ATP8A2: variants seen among roughly 807,000 people sequenced by gnomAD.
The protein encoded by ATP8A2 is phospholipid-transporting ATPase IB.
In ATP8A2, 100 loss-of-function variants were observed where a neutral mutation model predicts 165.6. The observed-to-expected ratio is 0.60, with a 90% CI of 0.51 to 0.71. The LOEUF (loss-of-function observed/expected upper bound fraction) is 0.71, where lower values mean the gene tolerates loss of function less well. ATP8A2 is among the 30% of genes least tolerant of loss of function. The pLI, the probability that ATP8A2 is intolerant of heterozygous loss-of-function variation, is 0.00. For synonymous variants in ATP8A2, 543 were observed against 548.8 expected, an observed-to-expected ratio of 0.99 and a Z score of 0.15; for missense variants, 1,227 against 1,479.5, an observed-to-expected ratio of 0.83 and a Z score of 2.80.
intron 25 of ATP8A2, among the ~76,000 whole-genome samples, chr13:25,724,130 T>G (rs929177832): frequency 6.6e-5 from 10 of 152,206 alleles, no homozygotes; most frequent in Non-Finnish European, 1.0e-4. Context: ...GAACACAGCC[T>G]GGCTGATACC....
At chr13:25,730,839 G>A (rs2043605433) in intron 25 of ATP8A2, among the ~76,000 whole-genome samples, 1 of 151,980 alleles carries the variant, frequency 6.6e-6, no homozygotes, top group African/African-American at 2.4e-5. Context: ...ACTTTGGGAG[G>A]CCAAGACAGG....
intron 24 of ATP8A2, among the ~76,000 whole-genome samples, chr13:25,667,890 C>T (rs547087395): frequency 6.6e-6 from 1 of 151,986 alleles, no homozygotes; most frequent in African/African-American, 2.4e-5. Context: ...AAGTTTATAG[C>T]ATTCTAGTTT....
chr13:25,375,385 A>T (rs1018299444), intron 1 of ATP8A2, among the ~76,000 whole-genome samples: 1 of 152,088 alleles, frequency 6.6e-6, no homozygotes, highest in African/African-American at 2.4e-5. Flanking sequence ...AAGGGTGTAC[A>T]TGTGAATATG....
chr13:25,535,451 G>A (rs1050595118), intron 6 of ATP8A2, among the ~76,000 whole-genome samples: 1 of 152,156 alleles, frequency 6.6e-6, no homozygotes, highest in Non-Finnish European at 1.5e-5. Flanking sequence ...GGATCTGGAA[G>A]GTTTCTGTTC....
intron 2 of ATP8A2, among the ~76,000 whole-genome samples, chr13:25,499,374 A>G (rs758562717): frequency 1.3e-5 from 2 of 152,346 alleles, no homozygotes; most frequent in South Asian, 2.1e-4. Flanking sequence ...GTTTCAGAAC[A>G]TGAGATTTGG....
At chr13:25,884,775 G>A (rs1382906399) in intron 33 of ATP8A2, among the ~76,000 whole-genome samples, 1 of 152,214 alleles carries the variant, frequency 6.6e-6, no homozygotes, top group Non-Finnish European at 1.5e-5. Flanking sequence ...GGTGAACAGA[G>A]TTTGATTTCA....
chr13:25,375,836 G>C (rs144171112), intron 1 of ATP8A2, among the ~76,000 whole-genome samples: 36 of 152,272 alleles, frequency 2.4e-4, no homozygotes, highest in African/African-American at 7.9e-4. Context: ...CTCCCTAAGT[G>C]CTGGGATTAC....
chr13:25,941,696 C>A (rs1955077383), intron 33 of ATP8A2, among the ~76,000 whole-genome samples: 1 of 152,142 alleles, frequency 6.6e-6, no homozygotes, highest in Non-Finnish European at 1.5e-5. Flanking sequence ...TGACTTCATG[C>A]CTGTGTCCAT....
At chr13:25,857,172 C>G (rs2138738569) in intron 30 of ATP8A2, among the ~76,000 whole-genome samples, 1 of 152,242 alleles carries the variant, frequency 6.6e-6, no homozygotes, top group South Asian at 2.1e-4. Flanking sequence ...TCGTAATGAT[C>G]CTTGAGCTCA....
At chr13:25,622,325 A>G (rs150827387) in intron 24 of ATP8A2, among the ~76,000 whole-genome samples, 265 of 152,286 alleles carry the variant, frequency 1.7e-3, no homozygotes, top group Middle Eastern at 3.4e-3. Context: ...GAGGGGAAGC[A>G]AAGAAATGGA....
At chr13:25,463,585 G>C (rs1051598080) in intron 1 of ATP8A2, among the ~76,000 whole-genome samples, 5 of 152,096 alleles carry the variant, frequency 3.3e-5, no homozygotes, top group African/African-American at 1.2e-4. Context: ...ACAATGTAAG[G>C]TCCATCATTG....
chr13:25,650,797 T>C (rs946922350), intron 24 of ATP8A2, among the ~76,000 whole-genome samples: 1 of 152,218 alleles, frequency 6.6e-6, no homozygotes, highest in East Asian at 1.9e-4. Context: ...CTACATTCAA[T>C]AATTTCCCAA....
At chr13:25,694,288 C>G (rs1343104934) in intron 24 of ATP8A2, among the ~76,000 whole-genome samples, 3 of 152,180 alleles carry the variant, frequency 2.0e-5, no homozygotes, top group Admixed American at 6.5e-5. Flanking sequence ...ATTCCTCACT[C>G]TTTCCCTCCT....
chr13:25,467,638 C>T (rs918521940), intron 1 of ATP8A2, among the ~76,000 whole-genome samples: 1 of 151,760 alleles, frequency 6.6e-6, no homozygotes, highest in Non-Finnish European at 1.5e-5. Flanking sequence ...GCAGGCTCCG[C>T]CCCCCGGGGT....
chr13:25,885,902 T>C (rs9511968), intron 33 of ATP8A2, among the ~76,000 whole-genome samples: 19,725 of 152,088 alleles, frequency 0.13, 1,527 homozygotes, highest in Non-Finnish European at 0.18. Flanking sequence ...GGATCCCTAG[T>C]GAAGGAAGGG....
chr13:26,019,890 G>T lies in ATP8A2; in HGVS notation c.3472G>T (p.Gly1158Trp). The T allele has an allele frequency of 1.2e-6, 2 of 1,611,482 alleles. No individual in the cohort carries two copies. Among genetic ancestry groups the T allele is most frequent in the Non-Finnish European group, 1.7e-6 (2 of 1,177,566 alleles). Residue 1158 changes from glycine (G) to tryptophan (W), a missense_variant and splice_region_variant, in exon 37 of 37, where the codon GGG becomes TGG. Coordinates refer to ENST00000381655, the MANE Select transcript of ATP8A2 (RefSeq NM_016529.6). ...GSSLQQGVPH[G>W]YAFSQEEHGA... ...TCTCCTGTGTGCTTCACTTTCAGAT[G>T]GGTATGCTTTTTCTCAAGAAGAACA...
chr13:25,473,647 ATAT>A (rs1269011476), intron 2 of ATP8A2, among the ~76,000 whole-genome samples: 3 of 152,154 alleles, frequency 2.0e-5, no homozygotes, highest in Non-Finnish European at 4.4e-5. Context: ...TCCAAAAGAA[ATAT>A]TATACTCTAG....
At chr13:25,994,834 T>C (rs929064925) in intron 35 of ATP8A2, among the ~76,000 whole-genome samples, 1 of 152,082 alleles carries the variant, frequency 6.6e-6, no homozygotes, top group African/African-American at 2.4e-5. Flanking sequence ...TGGGGCTTTC[T>C]TTTTTTGTAA....
chr13:25,807,406 A>G (rs1354482839), intron 27 of ATP8A2, among the ~76,000 whole-genome samples: 7 of 152,278 alleles, frequency 4.6e-5, no homozygotes, highest in African/African-American at 1.7e-4. Flanking sequence ...GCATGTTGAT[A>G]TATAGTTGTA....
Sources: allele counts gnomAD v4.1 joint callset (sites outside exome capture counted in the v4.1 genomes callset), GRCh38; gene constraint gnomAD v4.1.1; transcripts MANE v1.5; gene names NCBI Gene and HGNC (gene_info 2026-07-23, HGNC 2026-07-21).